Variants in ZNF148 observed in about 807,000 individuals in gnomAD.
ZNF148 encodes the protein Beta-Enolase Repressor Factor-1.
ZNF148 carries 7 observed loss-of-function variants against 67.7 expected under a neutral mutation model. The ratio of observed to expected loss-of-function variants is 0.10; its 90% CI spans 0.06 to 0.19. The LOEUF (loss-of-function observed/expected upper bound fraction) is 0.19. ZNF148 is among the 10% of genes least tolerant of loss of function. The pLI, the probability that ZNF148 is intolerant of heterozygous loss-of-function variation, is 1.00. For missense variants in ZNF148, 583 were observed against 947.1 expected (o/e 0.62, Z 5.05); for synonymous variants, 333 against 330.7 (o/e 1.01, Z -0.08).
intron 7 of ZNF148, among the ~76,000 whole-genome samples, chr3:125,252,284 C>G (rs1053145335): frequency 3.3e-5 from 5 of 149,914 alleles, no homozygotes; most frequent in Non-Finnish European, 7.5e-5. Flanking sequence ...CTTTCTATAT[C>G]CTGTTTAGGA....
At chr3:125,349,803 T>G (rs924414741) in intron 1 of ZNF148, among the ~76,000 whole-genome samples, 4 of 152,190 alleles carry the variant, frequency 2.6e-5, no homozygotes, top group East Asian at 3.8e-4. Context: ...ATCTCACCAC[T>G]GCACTACAGC....
At chr3:125,361,370 T>C (rs1356745068) in intron 1 of ZNF148, among the ~76,000 whole-genome samples, 1 of 152,044 alleles carries the variant, frequency 6.6e-6, no homozygotes, top group Non-Finnish European at 1.5e-5. Context: ...CACCCTCCTA[T>C]TTCCCCTACC....
intron 1 of ZNF148, among the ~76,000 whole-genome samples, chr3:125,333,137 T>G (rs1267132324): frequency 1.3e-5 from 2 of 152,198 alleles, no homozygotes; most frequent in African/African-American, 4.8e-5. Context: ...GACAAATGTT[T>G]TTGAAATCTT....
intron 2 of ZNF148, among the ~76,000 whole-genome samples, chr3:125,328,492 T>C (rs981077615): frequency 6.6e-6 from 1 of 152,166 alleles, no homozygotes; most frequent in Non-Finnish European, 1.5e-5. Flanking sequence ...TCAAAATATA[T>C]AAAGTGTTTA....
At chr3:125,255,651 T>C (rs1937041894) in intron 7 of ZNF148, among the ~76,000 whole-genome samples, 1 of 152,102 alleles carries the variant, frequency 6.6e-6, no homozygotes, top group African/African-American at 2.4e-5. Flanking sequence ...ATTTACTCAG[T>C]TTTTCTTCAC....
chr3:125,368,019 T>C (rs1191572476), intron 1 of ZNF148, among the ~76,000 whole-genome samples: 1 of 152,186 alleles, frequency 6.6e-6, no homozygotes, highest in Non-Finnish European at 1.5e-5. Context: ...CAAGAGGAAT[T>C]TGGAGTCATT....
intron 1 of ZNF148, chr3:125,357,142 C>G (rs1278733214): frequency 6.6e-6 from 1 of 152,246 alleles, no homozygotes; most frequent in Non-Finnish European, 1.5e-5. Flanking sequence ...AGTTTCCCAT[C>G]CCGTTGAGGG....
At chr3:125,332,208 A>C (rs1033944416) in intron 1 of ZNF148, among the ~76,000 whole-genome samples, 2 of 152,190 alleles carry the variant, frequency 1.3e-5, no homozygotes, top group African/African-American at 4.8e-5. Flanking sequence ...TTAGCTAGTC[A>C]GTAGCTTTGT....
At chr3:125,363,633 A>C (rs1288324371) in intron 1 of ZNF148, among the ~76,000 whole-genome samples, 2 of 150,648 alleles carry the variant, frequency 1.3e-5, no homozygotes, top group Admixed American at 6.6e-5. Flanking sequence ...ATGACTACCC[A>C]ACTTATACCC....
intron 5 of ZNF148, among the ~76,000 whole-genome samples, chr3:125,287,174 C>T (rs1242667515): frequency 6.6e-6 from 1 of 151,786 alleles, no homozygotes; most frequent in African/African-American, 2.4e-5. Context: ...TTTTAAAAAG[C>T]CATCAAAAAA....
At chr3:125,290,481 A>G (rs1938949822) in intron 4 of ZNF148, among the ~76,000 whole-genome samples, 1 of 152,180 alleles carries the variant, frequency 6.6e-6, no homozygotes, top group Non-Finnish European at 1.5e-5. Flanking sequence ...TTCTCACCCC[A>G]AAATAAAGTC....
chr3:125,300,397 A>G (rs1939524810), intron 4 of ZNF148, among the ~76,000 whole-genome samples: 1 of 152,212 alleles, frequency 6.6e-6, no homozygotes, highest in Non-Finnish European at 1.5e-5. Context: ...CCCTCAAATA[A>G]ACTTTAAAAG....
At chr3:125,306,390 T>C (rs1411325981) in intron 4 of ZNF148, among the ~76,000 whole-genome samples, 3 of 152,046 alleles carry the variant, frequency 2.0e-5, no homozygotes, top group African/African-American at 7.2e-5. Flanking sequence ...AGTAAATCTC[T>C]ACCCAGTCTA....
rs1259492147 is a variant in ZNF148, at chr3:125,277,805, T to C, written c.588A>G (p.Glu196=). The change falls in exon 7 of 9, where the codon GAA becomes GAG. Residue 196 remains glutamate, a synonymous_variant. Transcript: ENST00000360647. ...CACATTGACTACATTGAAATGGTTT[T>C]TCACCTTAAAATAATTTCACATCCA... ...LQRHVFIHTG[E]KPFQCSQCDM... The C allele has an allele frequency of 2.5e-6, 4 of 1,608,012 alleles. No homozygotes were observed. The South Asian group carries it at 3.3e-5, about 13-fold the overall frequency.
chr3:125,247,085 G>A (rs541096506), intron 7 of ZNF148, among the ~76,000 whole-genome samples: 5 of 152,182 alleles, frequency 3.3e-5, no homozygotes, highest in South Asian at 2.1e-4. Flanking sequence ...AAATCAAAGT[G>A]GCAAAAAACT....
intron 2 of ZNF148, among the ~76,000 whole-genome samples, chr3:125,327,799 T>C (rs1941093480): frequency 6.6e-6 from 1 of 152,136 alleles, no homozygotes; most frequent in African/African-American, 2.4e-5. Context: ...AATTAGAAAA[T>C]ATTTTTAACT....
At chr3:125,374,428 T>C (rs1244378553) in intron 1 of ZNF148, among the ~76,000 whole-genome samples, 1 of 152,012 alleles carries the variant, frequency 6.6e-6, no homozygotes, top group Non-Finnish European at 1.5e-5. Context: ...GGAACTCCTA[T>C]CTCCCTTCTT....
chr3:125,371,607 C>T (rs545792879), intron 1 of ZNF148, among the ~76,000 whole-genome samples: 158 of 142,590 alleles, frequency 1.1e-3, no homozygotes, highest in African/African-American at 3.9e-3. Flanking sequence ...TGCAGTGAGC[C>T]GAGATCGTGC....
intron 1 of ZNF148, among the ~76,000 whole-genome samples, chr3:125,341,443 AC>A (rs995707714): frequency 2.6e-5 from 4 of 151,910 alleles, no homozygotes; most frequent in African/African-American, 9.7e-5. Flanking sequence ...ACACAGTGAG[AC>A]CCCATCTGTA....
Sources: gnomAD v4.1 joint callset for allele counts (sites outside exome capture counted in the v4.1 genomes callset) on GRCh38, gnomAD v4.1.1 for gene constraint, MANE v1.5 for transcripts, NCBI Gene and HGNC (gene_info 2026-07-23, HGNC 2026-07-21) for gene names.